PLPP4: variants seen among roughly 807,000 people sequenced by gnomAD.
The protein encoded by PLPP4 is diacylglycerol pyrophosphate like 2.
In PLPP4, 20 loss-of-function variants were observed where a neutral mutation model predicts 32.2. The observed-to-expected ratio is 0.62, with a 90% CI of 0.44 to 0.90. The LOEUF (loss-of-function observed/expected upper bound fraction) is 0.90, where lower values mean the gene tolerates loss of function less well. Ranked by LOEUF, PLPP4 falls within the 40% of genes least tolerant of loss-of-function variation. The pLI is 0.00. For synonymous variants in PLPP4, 127 were observed against 133.0 expected (o/e 0.95, Z 0.31); for missense variants, 257 against 353.1 (o/e 0.73, Z 2.18).
chr10:120,590,318 T>C lies in PLPP4; in HGVS notation c.*816T>C, dbSNP rs1324425370. Among the ~76,000 whole-genome samples, 1 of 152,188 alleles carries C rather than the reference T, an allele frequency of 6.6e-6. No individual in the cohort carries two copies. Among genetic ancestry groups the C allele is most frequent in the Non-Finnish European group, 1.5e-5 (1 of 68,032 alleles). ...TCTGCAAGAAGTGATGTGACCGATCTCACAGATCAGAAACCGCATGCCTGG... is the reference window on the plus strand; with the variant it reads ...TCTGCAAGAAGTGATGTGACCGATCCCACAGATCAGAAACCGCATGCCTGG... On this transcript the variant is annotated 3_prime_UTR_variant, in exon 7 of 7. Coordinates refer to ENST00000398250, the MANE Select transcript of PLPP4 (RefSeq NM_001030059.3).
chr10:120,516,569 G>A (rs755502778), intron 3 of PLPP4, among the ~76,000 whole-genome samples: 45 of 152,132 alleles, frequency 3.0e-4, no homozygotes, highest in Non-Finnish European at 4.9e-4. Flanking sequence ...AACCAGTAGC[G>A]TCCTGAGTAC....
chr10:120,504,326 A>G (rs2463150), intron 2 of PLPP4, among the ~76,000 whole-genome samples: 101,499 of 152,092 alleles, frequency 0.67, 34,544 homozygotes, highest in African/African-American at 0.81. Flanking sequence ...GGCTGGAGCC[A>G]GACCTCACAG....
chr10:120,483,465 A>C (rs541698956), intron 1 of PLPP4, among the ~76,000 whole-genome samples: 1 of 152,316 alleles, frequency 6.6e-6, no homozygotes, highest in East Asian at 1.9e-4. Flanking sequence ...GAAGTTAATG[A>C]GTGTAAAGCA....
In PLPP4 at chr10:120,503,797, A is replaced by G. The variant is rs911647613; in HGVS notation, c.57-21A>G. On this transcript the variant is annotated intron_variant, in intron 1 of 6. Transcript: ENST00000398250. ...GCAACAGAACGCTCAACCTTCATGT[A>G]CTTTTCTTTTTATGTTTCAGTTTTA... The G allele has an allele frequency of 3.7e-6, 6 of 1,604,296 alleles. No homozygotes were observed. In the Admixed American group the frequency reaches 1.0e-4, roughly 27 times the overall value.
At chr10:120,511,055 T>C (rs1845707005) in intron 2 of PLPP4, among the ~76,000 whole-genome samples, 1 of 152,174 alleles carries the variant, frequency 6.6e-6, no homozygotes, top group Admixed American at 6.5e-5. Context: ...GTGCTTAGCA[T>C]TGGCTCAAGA....
At chr10:120,546,063 C>T (rs562403908) in intron 5 of PLPP4, among the ~76,000 whole-genome samples, 1 of 152,186 alleles carries the variant, frequency 6.6e-6, no homozygotes. Flanking sequence ...GCCAGGGGCT[C>T]TCGGGCCTAC....
At chr10:120,539,744 G>T (rs999869883) in intron 5 of PLPP4, among the ~76,000 whole-genome samples, 1 of 152,110 alleles carries the variant, frequency 6.6e-6, no homozygotes, top group African/African-American at 2.4e-5. Context: ...GCCACAAGTT[G>T]TTCTCTTTCA....
At chr10:120,586,210 C>T (rs1385999994) in intron 6 of PLPP4, among the ~76,000 whole-genome samples, 2 of 150,324 alleles carry the variant, frequency 1.3e-5, no homozygotes, top group Non-Finnish European at 2.9e-5. Context: ...TCTTGGCTCA[C>T]TGCAACCTCC....
chr10:120,488,343 C>G (rs897447497), intron 1 of PLPP4, among the ~76,000 whole-genome samples: 1 of 152,156 alleles, frequency 6.6e-6, no homozygotes, highest in Non-Finnish European at 1.5e-5. Flanking sequence ...TGACTGAAAG[C>G]TAACATTTAT....
Position 120,589,540 on chromosome 10 carries a change from CAT to C in PLPP4, c.*39_*40del. ...GAGGATGGACACTAAGCCCTGGGCACATCTGCCACCCTGACATCATAACACAA... is the reference window on the plus strand; with the variant it reads ...GAGGATGGACACTAAGCCCTGGGCACCTGCCACCCTGACATCATAACACAA... On this transcript the variant is annotated 3_prime_UTR_variant, in exon 7 of 7. Transcript: ENST00000398250. 6.7e-7 allele frequency: 1 copy of C among 1,498,368 alleles called. No homozygotes were observed. The highest frequency in any genetic ancestry group is 1.2e-5 in the South Asian group (1 of 86,804). The allele number at this position is 1,498,368 out of a possible 1,614,324, so 92.8% of individuals were successfully genotyped here.
At position 120,490,593 on chromosome 10, in the gene PLPP4, G is replaced by T. The variant is rs181288670; in HGVS notation, c.57-13225G>T. Among the ~76,000 whole-genome samples, 1,183 of 152,314 alleles carry T rather than the reference G, an allele frequency of 7.8e-3. 45 individuals carry two copies. The highest frequency in any genetic ancestry group is 0.053 in the Admixed American group (817 of 15,296). On this transcript the variant is annotated intron_variant, in intron 1 of 6. Coordinates refer to ENST00000398250, the MANE Select transcript of PLPP4 (RefSeq NM_001030059.3). ...CTTCTAATCATGGGCTGTATTTGTG[G>T]CTGTTTCATCTTACACATCTGATTC...
At chr10:120,562,745 C>G (rs1410440378) in intron 5 of PLPP4, among the ~76,000 whole-genome samples, 1 of 152,114 alleles carries the variant, frequency 6.6e-6, no homozygotes, top group Non-Finnish European at 1.5e-5. Flanking sequence ...AAGATGTATT[C>G]CCCTTTTACT....
chr10:120,493,457 T>G (rs1844809503), intron 1 of PLPP4, among the ~76,000 whole-genome samples: 1 of 152,056 alleles, frequency 6.6e-6, no homozygotes, highest in East Asian at 1.9e-4. Flanking sequence ...GAATGCAAGT[T>G]AGGGTCATTT....
intron 5 of PLPP4, among the ~76,000 whole-genome samples, chr10:120,574,450 C>T (rs1052795685): frequency 6.6e-6 from 1 of 152,072 alleles, no homozygotes; most frequent in Non-Finnish European, 1.5e-5. Context: ...TCTACACTTT[C>T]GACAATGGAT....
chr10:120,511,883 G>T (rs1169660045), intron 2 of PLPP4, among the ~76,000 whole-genome samples: 2 of 152,066 alleles, frequency 1.3e-5, no homozygotes, highest in African/African-American at 2.4e-5. Context: ...ATGAGGTCAG[G>T]AGATAGAGAC....
intron 1 of PLPP4, among the ~76,000 whole-genome samples, chr10:120,460,705 G>T (rs1003580189): frequency 5.3e-5 from 8 of 152,174 alleles, no homozygotes; most frequent in African/African-American, 4.8e-5. Flanking sequence ...GCAAGGTCTG[G>T]ACTCTCAATC....
rs545361465 is a variant in PLPP4, at chr10:120,530,993, C to A, written c.445+9898C>A. ...AGTTTCTCCATATCCTGTTTGCAAGCCTTCTGTCAGATAATTTTTCATGCC... is the reference window on the plus strand; with the variant it reads ...AGTTTCTCCATATCCTGTTTGCAAGACTTCTGTCAGATAATTTTTCATGCC... On this transcript the variant is annotated intron_variant, in intron 5 of 6. Transcript: ENST00000398250. 3.8e-4 allele frequency among the ~76,000 whole-genome samples: 58 copies of A among 152,058 alleles called. No individual in the cohort carries two copies. The South Asian group carries it at 0.011, about 29-fold the overall frequency.
At chr10:120,518,708 C>T (rs373022778) in intron 3 of PLPP4, 125 bp from the exon 4 acceptor site, 177 of 710,606 alleles carry the variant, frequency 2.5e-4, no homozygotes, top group Non-Finnish European at 3.6e-4. Context: ...TCAAAGTATT[C>T]GTTCATATTT....
intron 1 of PLPP4, among the ~76,000 whole-genome samples, chr10:120,503,215 G>C (rs1455283016): frequency 1.3e-5 from 2 of 152,182 alleles, no homozygotes; most frequent in African/African-American, 2.4e-5. Flanking sequence ...AAATGACTTG[G>C]CTTCTTTTGC....
Sources: gnomAD v4.1 joint callset for allele counts (sites outside exome capture counted in the v4.1 genomes callset) on GRCh38, gnomAD v4.1.1 for gene constraint, MANE v1.5 for transcripts, NCBI Gene and HGNC (gene_info 2026-07-23, HGNC 2026-07-21) for gene names.